N4BP2L1: variants seen among roughly 807,000 people sequenced by gnomAD.
N4BP2L1 encodes NEDD4-binding protein 2-like 1.
Under a neutral mutation model 21.2 loss-of-function variants are expected in N4BP2L1, and 12 were observed. That is an observed-to-expected ratio of 0.57 (90% confidence interval 0.36 to 0.92). N4BP2L1 has a LOEUF of 0.92. Among genes scored for constraint, N4BP2L1 ranks in the 40% least tolerant of loss-of-function variants. N4BP2L1 has a pLI of 0.01. For synonymous variants in N4BP2L1, 104 were observed against 112.8 expected (o/e 0.92, Z 0.49); for missense variants, 259 against 310.6 (o/e 0.83, Z 1.25).
intron 1 of N4BP2L1, among the ~76,000 whole-genome samples, chr13:32,413,871 C>A (rs1044208384): frequency 6.7e-6 from 1 of 149,062 alleles, no homozygotes; most frequent in Non-Finnish European, 1.5e-5. Context: ...CAAGTTTGCA[C>A]CAAGCTTTTT....
chr13:32,427,325 C>T (rs1204955944), intron 1 of N4BP2L1, among the ~76,000 whole-genome samples: 1 of 152,234 alleles, frequency 6.6e-6, no homozygotes, highest in African/African-American at 2.4e-5. Context: ...CTGCCAGCCC[C>T]GGGCCACTGC....
chr13:32,407,488 C>T (rs779163009), intron 2 of N4BP2L1, 150 bp from the exon 3 acceptor site: 1 of 1,576,710 alleles, frequency 6.3e-7, no homozygotes, highest in Non-Finnish European at 8.6e-7. Flanking sequence ...TTTTCTTTCT[C>T]TGGAATCTAA....
rs73458430 is a variant in N4BP2L1, at chr13:32,400,743, A to G, written c.*2199T>C. 140 of 152,340 alleles carry G rather than the reference A, an allele frequency of 9.2e-4. 3 individuals carry two copies. The highest frequency in any genetic ancestry group is 3.2e-3 in the African/African-American group (133 of 41,580). 9.4% of individuals were successfully genotyped at this position (152,340 alleles called of 1,614,324 possible). A position where few individuals can be genotyped will look rare whatever the true frequency, so the allele number is the denominator to read the frequency against. On this transcript the variant is annotated 3_prime_UTR_variant, in exon 5 of 5. Transcript: ENST00000380130. ...AGGGATAATGGTAAAAATTTGTGTT[A>G]TTTATTCAGCAATCATTTAATGAGA...
intron 1 of N4BP2L1, among the ~76,000 whole-genome samples, chr13:32,417,840 G>C (rs957428189): frequency 6.6e-6 from 1 of 152,192 alleles, no homozygotes; most frequent in Non-Finnish European, 1.5e-5. Context: ...TATGCAAAGA[G>C]ACTGGTGGCA....
chr13:32,416,189 T>C (rs1413430511), intron 1 of N4BP2L1, among the ~76,000 whole-genome samples: 1 of 152,254 alleles, frequency 6.6e-6, no homozygotes, highest in African/African-American at 2.4e-5. Context: ...ATATAGCCAA[T>C]GTTTATTAAG....
chr13:32,406,423 T>C (rs1361887466), intron 3 of N4BP2L1: 2 of 152,168 alleles, frequency 1.3e-5, no homozygotes, highest in African/African-American at 4.8e-5. Context: ...CATTCTACCA[T>C]CTCAATAAGG....
At chr13:32,411,153 C>T (rs2073835787) in intron 1 of N4BP2L1, among the ~76,000 whole-genome samples, 1 of 152,160 alleles carries the variant, frequency 6.6e-6, no homozygotes, top group South Asian at 2.1e-4. Context: ...AACACTACTG[C>T]CCTTTTAATC....
intron 1 of N4BP2L1, among the ~76,000 whole-genome samples, chr13:32,424,209 T>G (rs1361062567): frequency 6.6e-6 from 1 of 152,222 alleles, no homozygotes; most frequent in Non-Finnish European, 1.5e-5. Context: ...CTTACTACAA[T>G]GAAGCCTTCA....
chr13:32,419,029 G>C (rs2074304537), intron 1 of N4BP2L1, among the ~76,000 whole-genome samples: 2 of 152,114 alleles, frequency 1.3e-5, no homozygotes, highest in African/African-American at 4.8e-5. Context: ...TAAGACTTTG[G>C]GGGACTGTTA....
chr13:32,407,622 G>T, intron 2 of N4BP2L1, 23 bp downstream of exon 2: 1 of 1,611,424 alleles, frequency 6.2e-7, no homozygotes, highest in South Asian at 1.1e-5. Context: ...GGTTTCCCAG[G>T]AGTTTGGGAA....
intron 1 of N4BP2L1, among the ~76,000 whole-genome samples, chr13:32,416,246 C>T (rs1231038089): frequency 6.6e-6 from 1 of 152,094 alleles, no homozygotes; most frequent in South Asian, 2.1e-4. Context: ...ACATTTTTTA[C>T]GTAATGCTCA....
chr13:32,403,119 C>T lies in N4BP2L1; in HGVS notation c.555G>A (p.Val185=), dbSNP rs1196094039. The T allele has an allele frequency of 3.1e-6, 5 of 1,614,104 alleles. No homozygotes were observed. The highest frequency in any genetic ancestry group is 2.2e-5 in the South Asian group (2 of 91,076). ...TTCTGCTTGGCTTTTCTGCATGAAG[C>T]ACACTGTGAAAAGTAACATCGTGTT... The part of the protein sequence containing the change: ...RYEHDVTFHS[V]LHAEKPSRMN... The change falls in exon 5 of 5, where the codon GTG becomes GTA. Residue 185 remains valine (V), a synonymous_variant. Coordinates refer to ENST00000380130, the MANE Select transcript of N4BP2L1 (RefSeq NM_052818.3).
chr13:32,406,662 T>G (rs703213), intron 3 of N4BP2L1: 74,554 of 151,994 alleles, frequency 0.49, 19,334 homozygotes, highest in East Asian at 0.7. Flanking sequence ...TAGAGATGGG[T>G]TTTCACCATG....
At chr13:32,415,526 T>C (rs1226365309) in intron 1 of N4BP2L1, among the ~76,000 whole-genome samples, 3 of 152,226 alleles carry the variant, frequency 2.0e-5, no homozygotes, top group African/African-American at 4.8e-5. Flanking sequence ...TACATTATTG[T>C]TTGATTTTCT....
chr13:32,414,166 G>A (rs1397425577), intron 1 of N4BP2L1, among the ~76,000 whole-genome samples: 3 of 152,172 alleles, frequency 2.0e-5, no homozygotes, highest in Non-Finnish European at 4.4e-5. Context: ...ACAGGCGTGA[G>A]CCACTGTGCC....
intron 1 of N4BP2L1, among the ~76,000 whole-genome samples, chr13:32,418,594 G>T (rs918495945): frequency 6.6e-6 from 1 of 152,226 alleles, no homozygotes; most frequent in Non-Finnish European, 1.5e-5. Flanking sequence ...CAGAATGGTA[G>T]ATCCACTGAC....
At chr13:32,405,808 GTCTGGACCTAT>G (rs2073444380) in intron 3 of N4BP2L1, among the ~76,000 whole-genome samples, 1 of 150,710 alleles carries the variant, frequency 6.6e-6, no homozygotes, top group Non-Finnish European at 1.5e-5. Context: ...CGTGAGCCCA[GTCTGGACCTAT>G]TCACTTCACA....
intron 1 of N4BP2L1, among the ~76,000 whole-genome samples, chr13:32,410,918 T>C (rs1477217514): frequency 6.6e-6 from 1 of 152,198 alleles, no homozygotes; most frequent in African/African-American, 2.4e-5. Flanking sequence ...GTCTGCTACT[T>C]ACAAGTTTTG....
At chr13:32,424,113 T>A (rs2074635288) in intron 1 of N4BP2L1, among the ~76,000 whole-genome samples, 1 of 152,164 alleles carries the variant, frequency 6.6e-6, no homozygotes, top group Non-Finnish European at 1.5e-5. Context: ...ATTAGAATCT[T>A]ATTTCTTCTG....
Sources: allele counts gnomAD v4.1 joint callset (sites outside exome capture counted in the v4.1 genomes callset), GRCh38; gene constraint gnomAD v4.1.1; transcripts MANE v1.5; gene names NCBI Gene and HGNC (gene_info 2026-07-23, HGNC 2026-07-21).